The following PRKG1 variants were observed in gnomAD, a reference collection of about 807,000 sequenced individuals.
The protein encoded by PRKG1 is cGMP-dependent protein kinase 1.
A neutral mutation model predicts 88.1 loss-of-function variants in PRKG1; 35 were observed. The observed-to-expected ratio is 0.40, with a 90% CI of 0.30 to 0.53. The LOEUF (loss-of-function observed/expected upper bound fraction) is 0.53. Among genes scored for constraint, PRKG1 ranks in the 20% least tolerant of loss-of-function variants. PRKG1 has a pLI of 0.59. For missense variants in PRKG1, 540 were observed against 839.8 expected, an observed-to-expected ratio of 0.64 and a Z score of 4.41; for synonymous variants, 303 against 292.5, an observed-to-expected ratio of 1.04 and a Z score of -0.37.
chr10:51,148,503 C>T (rs1845992500), intron 1 of PRKG1, among the ~76,000 whole-genome samples: 1 of 152,090 alleles, frequency 6.6e-6, no homozygotes. Flanking sequence ...TGTTAATGCT[C>T]ACATTTCTGG....
At chr10:52,023,972 C>G (rs533894795) in intron 5 of PRKG1, among the ~76,000 whole-genome samples, 1 of 152,246 alleles carries the variant, frequency 6.6e-6, no homozygotes, top group East Asian at 1.9e-4. Context: ...GTGGTTTAGT[C>G]ATGAAGTCTT....
chr10:51,439,663 C>T (rs10823001), intron 2 of PRKG1, among the ~76,000 whole-genome samples: 38,318 of 151,760 alleles, frequency 0.25, 5,707 homozygotes, highest in Non-Finnish European at 0.34. Flanking sequence ...CAAAGAACAC[C>T]CTAAAATTTT....
chr10:51,896,157 A>G (rs899574730), intron 4 of PRKG1, among the ~76,000 whole-genome samples: 1 of 152,164 alleles, frequency 6.6e-6, no homozygotes, highest in Non-Finnish European at 1.5e-5. Flanking sequence ...AAAATGAAGA[A>G]AAGGATATTT....
At chr10:51,904,428 C>T (rs1482621325) in intron 4 of PRKG1, among the ~76,000 whole-genome samples, 2 of 151,934 alleles carry the variant, frequency 1.3e-5, no homozygotes, top group Non-Finnish European at 1.5e-5. Flanking sequence ...TAATATATTT[C>T]GTGGGTAGAA....
At chr10:51,711,416 T>C (rs575090524) in intron 3 of PRKG1, among the ~76,000 whole-genome samples, 11 of 152,306 alleles carry the variant, frequency 7.2e-5, no homozygotes, top group Non-Finnish European at 1.6e-4. Flanking sequence ...ACCTTTCTTT[T>C]TCATATACAG....
intron 3 of PRKG1, among the ~76,000 whole-genome samples, chr10:51,656,966 G>T (rs936777467): frequency 3.3e-5 from 5 of 152,150 alleles, no homozygotes; most frequent in Admixed American, 6.6e-5. Flanking sequence ...CCTTGGGCAA[G>T]TTACTTGAAT....
chr10:51,118,692 A>G (rs958812916), intron 1 of PRKG1, among the ~76,000 whole-genome samples: 7 of 152,154 alleles, frequency 4.6e-5, no homozygotes, highest in Non-Finnish European at 8.8e-5. Context: ...CAGTATCTCA[A>G]TTAGAACACA....
At chr10:51,825,379 AG>A (rs1204771622) in intron 4 of PRKG1, among the ~76,000 whole-genome samples, 2 of 152,170 alleles carry the variant, frequency 1.3e-5, no homozygotes, top group South Asian at 2.1e-4. Context: ...AAGAGCAAAA[AG>A]ATCATAATAT....
intron 1 of PRKG1, among the ~76,000 whole-genome samples, chr10:51,014,194 T>C (rs1843027639): frequency 6.6e-6 from 1 of 152,210 alleles, no homozygotes; most frequent in African/African-American, 2.4e-5. Flanking sequence ...TGCTTTTGGC[T>C]CTCTTTTTAA....
chr10:51,299,015 G>A (rs1280233508), intron 2 of PRKG1, among the ~76,000 whole-genome samples: 3 of 152,162 alleles, frequency 2.0e-5, no homozygotes, highest in Non-Finnish European at 4.4e-5. Flanking sequence ...GTGTAATAAT[G>A]AAAGGAATAT....
At chr10:52,002,606 C>G (rs1844627469) in intron 5 of PRKG1, among the ~76,000 whole-genome samples, 1 of 152,110 alleles carries the variant, frequency 6.6e-6, no homozygotes, top group South Asian at 2.1e-4. Flanking sequence ...GAGAATCTAT[C>G]CCTGAGTTTT....
intron 2 of PRKG1, among the ~76,000 whole-genome samples, chr10:51,458,410 C>T (rs2132790257): frequency 6.7e-6 from 1 of 149,982 alleles, no homozygotes; most frequent in East Asian, 1.9e-4. Context: ...CCAACATATT[C>T]ATCAATGAGT....
intron 1 of PRKG1, among the ~76,000 whole-genome samples, chr10:51,028,822 A>G (rs947591649): frequency 1.3e-5 from 2 of 152,196 alleles, no homozygotes; most frequent in African/African-American, 4.8e-5. Context: ...TATCATCATT[A>G]GATGTTTGTT....
chr10:51,913,214 C>T (rs1842262401), intron 5 of PRKG1, among the ~76,000 whole-genome samples: 1 of 152,132 alleles, frequency 6.6e-6, no homozygotes, highest in Admixed American at 6.6e-5. Flanking sequence ...CAGGCGTGAG[C>T]CACGGCGCCC....
At chr10:51,515,643 C>A (rs1359873145) in intron 3 of PRKG1, among the ~76,000 whole-genome samples, 1 of 152,130 alleles carries the variant, frequency 6.6e-6, no homozygotes, top group Non-Finnish European at 1.5e-5. Context: ...TTTAATATTG[C>A]CATTTTTCGT....
intron 2 of PRKG1, among the ~76,000 whole-genome samples, chr10:51,440,876 A>G (rs1564496306): frequency 6.6e-6 from 1 of 151,944 alleles, no homozygotes; most frequent in Non-Finnish European, 1.5e-5. Context: ...ATTTCATGTA[A>G]ACAATTTTCT....
At chr10:51,929,635 G>A (rs1245829398) in intron 5 of PRKG1, among the ~76,000 whole-genome samples, 2 of 152,154 alleles carry the variant, frequency 1.3e-5, no homozygotes, top group East Asian at 3.8e-4. Flanking sequence ...ACAGGCATGA[G>A]CCACTGCACC....
intron 3 of PRKG1, among the ~76,000 whole-genome samples, chr10:51,769,848 G>GA (rs375893307): frequency 1.3e-5 from 2 of 151,300 alleles, no homozygotes; most frequent in East Asian, 1.9e-4. Flanking sequence ...CTGATGAGGG[G>GA]AAAAAAAAGT....
rs910577348 is a variant in PRKG1, at chr10:51,634,158, A to G, written c.592+166322A>G. ...ATTTGGACAAAGCTCTGTGACAGTA[A>G]TAAACCTACCCTAGGTACTAGCAAA... On this transcript the variant is annotated intron_variant, in intron 3 of 17. Transcript: ENST00000373980. 2.3e-4 allele frequency among the ~76,000 whole-genome samples: 35 copies of G among 152,178 alleles called. 1 individual carries two copies. The highest frequency in any genetic ancestry group is 7.7e-4 in the African/African-American group (32 of 41,444).
Sources: allele counts gnomAD v4.1 joint callset (sites outside exome capture counted in the v4.1 genomes callset), GRCh38; gene constraint gnomAD v4.1.1; transcripts MANE v1.5; gene names NCBI Gene and HGNC (gene_info 2026-07-23, HGNC 2026-07-21).